SH3D19: variants seen among roughly 807,000 people sequenced by gnomAD.
SH3D19 encodes SH3 domain-containing protein 19.
In SH3D19, 58 loss-of-function variants were observed where a neutral mutation model predicts 112.1. That is an observed-to-expected ratio of 0.52 (90% CI 0.42 to 0.64). The LOEUF (loss-of-function observed/expected upper bound fraction) is 0.64, where lower values mean the gene tolerates loss of function less well. SH3D19 is among the 30% of genes least tolerant of loss of function. SH3D19 has a pLI of 0.00. For synonymous variants in SH3D19, 391 were observed against 448.5 expected, an observed-to-expected ratio of 0.87 and a Z score of 1.62; for missense variants, 1,090 against 1,263.4, an observed-to-expected ratio of 0.86 and a Z score of 2.08.
chr4:151,165,897 G>A (rs1007926576), intron 7 of SH3D19: 23 of 511,610 alleles, frequency 4.5e-5, no homozygotes, highest in Middle Eastern at 1.1e-3. Flanking sequence ...TAATTCATGC[G>A]GCTTTTCTTC....
At chr4:151,250,841 T>C (rs56775733) in intron 1 of SH3D19, among the ~76,000 whole-genome samples, 4,208 of 152,252 alleles carry the variant, frequency 0.028, 183 homozygotes, top group African/African-American at 0.092. Context: ...GTGAACCAAA[T>C]GGAAACCTGC....
intron 12 of SH3D19, among the ~76,000 whole-genome samples, chr4:151,141,631 T>C (rs1753004187): frequency 6.6e-6 from 1 of 152,136 alleles, no homozygotes. Context: ...GATGACTGAG[T>C]GACTCTCTCC....
chr4:151,149,161 C>T (rs1450053884), intron 10 of SH3D19, among the ~76,000 whole-genome samples: 2 of 152,198 alleles, frequency 1.3e-5, no homozygotes, highest in Admixed American at 1.3e-4. Flanking sequence ...AGCCAGTCTC[C>T]TTCGGAAATG....
intron 1 of SH3D19, among the ~76,000 whole-genome samples, chr4:151,253,666 G>A (rs918170413): frequency 2.0e-5 from 3 of 152,002 alleles, no homozygotes; most frequent in Non-Finnish European, 2.9e-5. Flanking sequence ...GTGTGAACCG[G>A]GGAAGCGGAG....
intron 1 of SH3D19, among the ~76,000 whole-genome samples, chr4:151,294,259 G>C (rs557966106): frequency 1.2e-4 from 19 of 152,310 alleles, no homozygotes; most frequent in African/African-American, 4.6e-4. Context: ...TATTGTTTAT[G>C]GAGGTAGCCC....
intron 1 of SH3D19, among the ~76,000 whole-genome samples, chr4:151,255,668 A>G (rs1771837597): frequency 6.6e-6 from 1 of 152,258 alleles, no homozygotes; most frequent in South Asian, 2.1e-4. Flanking sequence ...TGGGAGGCCA[A>G]GGCAGGCGGC....
intron 1 of SH3D19, among the ~76,000 whole-genome samples, chr4:151,258,034 A>G (rs1323828360): frequency 6.6e-6 from 1 of 152,182 alleles, no homozygotes; most frequent in African/African-American, 2.4e-5. Flanking sequence ...TTTAGTTTCC[A>G]TAGTCCCTTG....
chr4:151,211,772 A>G (rs1337598098), intron 2 of SH3D19, among the ~76,000 whole-genome samples: 1 of 152,194 alleles, frequency 6.6e-6, no homozygotes, highest in Non-Finnish European at 1.5e-5. Context: ...CTTCAATTCT[A>G]TGAAGGCTGA....
intron 7 of SH3D19, among the ~76,000 whole-genome samples, chr4:151,168,553 G>T (rs1316786957): frequency 1.3e-5 from 2 of 151,892 alleles, no homozygotes; most frequent in Non-Finnish European, 2.9e-5. Context: ...TCCCACCTCA[G>T]CCTCCTGAGT....
chr4:151,294,498 C>G (rs922212217), intron 1 of SH3D19, among the ~76,000 whole-genome samples: 1 of 152,188 alleles, frequency 6.6e-6, no homozygotes, highest in Non-Finnish European at 1.5e-5. Context: ...GTGGATGCAC[C>G]AAGGGTAGGC....
chr4:151,291,339 C>G (rs1561436881), intron 1 of SH3D19: 1 of 1,613,928 alleles, frequency 6.2e-7, no homozygotes, highest in Non-Finnish European at 8.5e-7. Context: ...TCCTGCGTCC[C>G]TCCTGTGCCT....
intron 1 of SH3D19, among the ~76,000 whole-genome samples, chr4:151,243,270 T>C (rs1770689766): frequency 1.3e-5 from 2 of 152,222 alleles, no homozygotes; most frequent in Non-Finnish European, 1.5e-5. Flanking sequence ...AGAAAAATCA[T>C]TTAATATCTA....
rs914808579 is a variant in SH3D19 at position 151,175,307 on chromosome 4, C to T, written c.897G>A (p.Val299=). ...TTTCTATGTTTGTCTGACCCTCAAACACTTTAATTCTGGAAACAATACTAT... is the reference window on the plus strand; with the variant it reads ...TTTCTATGTTTGTCTGACCCTCAAATACTTTAATTCTGGAAACAATACTAT... The part of the protein sequence containing the change: ...SQNSIVSRIK[V]FEGQTNIETS... Residue 299 remains valine, a synonymous_variant, in exon 7 of 20, where the codon GTG becomes GTA. Coordinates refer to ENST00000604030, the MANE Select transcript of SH3D19 (RefSeq NM_001378122.1). The T allele has an allele frequency of 3.1e-6, 5 of 1,613,748 alleles. No homozygotes were observed. The African/African-American group carries it at 5.3e-5, about 17-fold the overall frequency.
intron 14 of SH3D19, among the ~76,000 whole-genome samples, chr4:151,136,031 C>T (rs991814723): frequency 1.0e-4 from 15 of 150,160 alleles, no homozygotes; most frequent in African/African-American, 3.7e-4. Flanking sequence ...CAAAACAAAA[C>T]AAAAACAACT....
intron 3 of SH3D19, among the ~76,000 whole-genome samples, chr4:151,180,733 T>C (rs981355698): frequency 6.6e-6 from 1 of 150,884 alleles, no homozygotes; most frequent in East Asian, 2.0e-4. Context: ...TCAATTTTTA[T>C]GTAATAGAGA....
At chr4:151,306,324 C>T (rs1193865053) in intron 1 of SH3D19, among the ~76,000 whole-genome samples, 4 of 152,210 alleles carry the variant, frequency 2.6e-5, no homozygotes, top group African/African-American at 9.6e-5. Context: ...ATTCAAATCT[C>T]AGCTGCACTT....
chr4:151,203,966 G>A (rs1029212734), intron 2 of SH3D19, among the ~76,000 whole-genome samples: 1 of 151,964 alleles, frequency 6.6e-6, no homozygotes, highest in African/African-American at 2.4e-5. Context: ...ACTTTTAATT[G>A]TAAATTAGTT....
Position 151,191,048 on chromosome 4 carries a change from C to T in SH3D19, c.153-3585G>A, listed in dbSNP as rs574790763. Among the ~76,000 whole-genome samples, 6 of 152,290 alleles carry T rather than the reference C, an allele frequency of 3.9e-5. No individual in the cohort carries two copies. In the South Asian group the frequency reaches 6.2e-4, roughly 16 times the overall value. On this transcript the variant is annotated intron_variant, in intron 2 of 19. Coordinates refer to ENST00000604030, the MANE Select transcript of SH3D19 (RefSeq NM_001378122.1). ...ATGACCTGGATCGTTTTGGACCTGGCGTCAAAGTAGATCGTTTTGGAGCTT... is the reference window on the plus strand; with the variant it reads ...ATGACCTGGATCGTTTTGGACCTGGTGTCAAAGTAGATCGTTTTGGAGCTT...
chr4:151,230,376 A>T (rs1256951918), intron 1 of SH3D19, among the ~76,000 whole-genome samples: 1 of 152,174 alleles, frequency 6.6e-6, no homozygotes, highest in African/African-American at 2.4e-5. Flanking sequence ...CTCAGAACTT[A>T]TTAGAATCTG....
Sources: gnomAD v4.1 joint callset for allele counts (sites outside exome capture counted in the v4.1 genomes callset) on GRCh38, gnomAD v4.1.1 for gene constraint, MANE v1.5 for transcripts, NCBI Gene and HGNC (gene_info 2026-07-23, HGNC 2026-07-21) for gene names.